GLI3: variants seen among roughly 807,000 people sequenced by gnomAD.
GLI3 encodes GLI family zinc finger 3.
A neutral mutation model predicts 100.8 loss-of-function variants in GLI3; 20 were observed. That is an observed-to-expected ratio of 0.20 (90% CI 0.14 to 0.29). GLI3 has a LOEUF of 0.29. Among genes scored for constraint, GLI3 ranks in the 10% least tolerant of loss-of-function variants. GLI3 has a pLI of 1.00. For synonymous variants in GLI3, 938 were observed against 860.5 expected, an observed-to-expected ratio of 1.09 and a Z score of -1.58; for missense variants, 2,040 against 2,128.5, an observed-to-expected ratio of 0.96 and a Z score of 0.82.
intron 3 of GLI3, among the ~76,000 whole-genome samples, chr7:42,135,917 G>A (rs74620077): frequency 0.02 from 2,970 of 152,140 alleles, 94 homozygotes; most frequent in African/African-American, 0.068. Context: ...CCACATGTAA[G>A]CATTAAGTAT....
intron 2 of GLI3, among the ~76,000 whole-genome samples, chr7:42,158,294 C>T (rs1787050659): frequency 6.6e-6 from 1 of 152,236 alleles, no homozygotes; most frequent in African/African-American, 2.4e-5. Flanking sequence ...GTATCATCAA[C>T]CAGTTATTCA....
chr7:41,970,405 A>C (rs921534607), intron 13 of GLI3, among the ~76,000 whole-genome samples: 11 of 152,170 alleles, frequency 7.2e-5, no homozygotes, highest in African/African-American at 2.4e-4. Flanking sequence ...AAATGTGATT[A>C]ATTTATTAAC....
intron 3 of GLI3, among the ~76,000 whole-genome samples, chr7:42,132,717 G>A (rs754093507): frequency 6.6e-6 from 1 of 152,108 alleles, no homozygotes; most frequent in Non-Finnish European, 1.5e-5. Flanking sequence ...CAGGCTTACA[G>A]CCTCACAATT....
intron 3 of GLI3, among the ~76,000 whole-genome samples, chr7:42,085,409 T>G (rs1562720902): frequency 6.6e-6 from 1 of 152,196 alleles, no homozygotes; most frequent in Non-Finnish European, 1.5e-5. Flanking sequence ...TTCATAATAG[T>G]ATATATCTTC....
intron 2 of GLI3, among the ~76,000 whole-genome samples, chr7:42,168,924 A>G (rs1338677448): frequency 6.6e-6 from 1 of 152,186 alleles, no homozygotes; most frequent in East Asian, 1.9e-4. Context: ...TCTCAAAAAA[A>G]TTAAAAACAA....
intron 3 of GLI3, among the ~76,000 whole-genome samples, chr7:42,098,914 C>CT (rs1345902106): frequency 3.3e-5 from 5 of 152,108 alleles, no homozygotes; most frequent in Non-Finnish European, 7.3e-5. Flanking sequence ...AATACATAAG[C>CT]TTGCGTGGGT....
rs747166719 is a variant in GLI3 at position 42,084,901 on chromosome 7, C to CTTTTTTTTT, written c.368-8053_368-8045dup. Among the ~76,000 whole-genome samples the CTTTTTTTTT allele has an allele frequency of 4.9e-3, 231 of 47,518 alleles. 16 individuals carry two copies. The highest frequency in any genetic ancestry group is 0.028 in the Middle Eastern group (1 of 36). 31.2% of individuals were successfully genotyped at this position (47,518 alleles called of 152,430 possible). On this transcript the variant is annotated intron_variant, in intron 3 of 14. Coordinates refer to ENST00000395925, the MANE Select transcript of GLI3 (RefSeq NM_000168.6). ...AGCTCTAAAAATATGCATTTGGATTCTTTTTTTTTTTTTTTTTTTTTTTTT... is the reference window on the plus strand; with the variant it reads ...AGCTCTAAAAATATGCATTTGGATTCTTTTTTTTTTTTTTTTTTTTTTTTTTTTTTTTTT...
At chr7:42,000,984 T>C (rs980281021) in intron 10 of GLI3, among the ~76,000 whole-genome samples, 6 of 151,998 alleles carry the variant, frequency 3.9e-5, no homozygotes, top group African/African-American at 1.2e-4. Context: ...CGGTGGCTCA[T>C]GCCTGTAATC....
intron 10 of GLI3, among the ~76,000 whole-genome samples, chr7:42,019,147 T>C (rs969950480): frequency 1.3e-5 from 2 of 152,214 alleles, no homozygotes; most frequent in Admixed American, 6.5e-5. Context: ...ATGGTGATGA[T>C]ACTATTATTC....
In GLI3 at chr7:42,122,576, A is replaced by G. The variant is rs562249394; in HGVS notation, c.367+25650T>C. Among the ~76,000 whole-genome samples, 7 of 152,310 alleles carry G rather than the reference A, an allele frequency of 4.6e-5. No homozygotes were observed. In the South Asian group the frequency reaches 1.5e-3, roughly 32 times the overall value. On this transcript the variant is annotated intron_variant, in intron 3 of 14. Coordinates refer to ENST00000395925, the MANE Select transcript of GLI3 (RefSeq NM_000168.6). ...GTACTTGGTGTCAGGAAGGAAGCTGAGGGGTTAAGTGACTTACACAAGTCA... is the reference window on the plus strand; with the variant it reads ...GTACTTGGTGTCAGGAAGGAAGCTGGGGGGTTAAGTGACTTACACAAGTCA...
At chr7:42,258,101 A>T (rs56217230) in intron 1 of GLI3, among the ~76,000 whole-genome samples, 3,451 of 152,300 alleles carry the variant, frequency 0.023, 144 homozygotes, top group African/African-American at 0.079. Flanking sequence ...GTATAACCCA[A>T]TCATAATGTG....
intron 2 of GLI3, among the ~76,000 whole-genome samples, chr7:42,168,666 T>C (rs118189635): frequency 6.6e-6 from 1 of 152,220 alleles, no homozygotes; most frequent in Non-Finnish European, 1.5e-5. Flanking sequence ...CTGCAATCTC[T>C]GCACCTTGGG....
chr7:42,244,362 A>G (rs1788952196), intron 1 of GLI3, among the ~76,000 whole-genome samples: 1 of 152,274 alleles, frequency 6.6e-6, no homozygotes, highest in South Asian at 2.1e-4. Flanking sequence ...GATATGTTTT[A>G]GAACATAAGG....
intron 3 of GLI3, among the ~76,000 whole-genome samples, chr7:42,110,470 C>T (rs770177252): frequency 8.5e-4 from 130 of 152,272 alleles, no homozygotes; most frequent in African/African-American, 3.0e-3. Context: ...AGTGGACATT[C>T]GTTATTTCCA....
Position 42,044,092 on chromosome 7 carries a change from C to T in GLI3, c.826+1292G>A, listed in dbSNP as rs561394569. On this transcript the variant is annotated intron_variant, in intron 6 of 14. Coordinates refer to ENST00000395925, the MANE Select transcript of GLI3 (RefSeq NM_000168.6). Reference sequence around the variant, plus strand: ...GCTCTTGATGGTAAGCAGACTAAGGCTGTAGAGTTTTTACCCCTGTATGAA... The same window carrying T: ...GCTCTTGATGGTAAGCAGACTAAGGTTGTAGAGTTTTTACCCCTGTATGAA... Among the ~76,000 whole-genome samples, 191 of 152,270 alleles carry T rather than the reference C, an allele frequency of 1.3e-3. 2 individuals are homozygous for T. The highest frequency in any genetic ancestry group is 7.2e-3 in the East Asian group (37 of 5,174).
intron 2 of GLI3, among the ~76,000 whole-genome samples, chr7:42,209,858 T>TCATC (rs1364882785): frequency 1.4e-5 from 2 of 146,268 alleles, no homozygotes; most frequent in African/African-American, 5.0e-5. Context: ...CTCTTACAGA[T>TCATC]CATCATTCCT....
At chr7:42,032,139 C>T (rs1399455518) in intron 7 of GLI3, among the ~76,000 whole-genome samples, 3 of 152,026 alleles carry the variant, frequency 2.0e-5, no homozygotes, top group African/African-American at 4.8e-5. Context: ...AACTGCTAAG[C>T]AACCAAAATA....
chr7:42,080,730 C>G (rs1284195755), intron 3 of GLI3, among the ~76,000 whole-genome samples: 3 of 152,180 alleles, frequency 2.0e-5, no homozygotes, highest in Non-Finnish European at 4.4e-5. Context: ...TAACACATTT[C>G]TTGAAAAATG....
intron 10 of GLI3, among the ~76,000 whole-genome samples, chr7:41,988,204 G>A (rs1298386513): frequency 6.6e-6 from 1 of 152,158 alleles, no homozygotes; most frequent in Non-Finnish European, 1.5e-5. Flanking sequence ...GCTCACGCCT[G>A]TAATCCTAGC....
Sources: gnomAD v4.1 joint callset for allele counts (sites outside exome capture counted in the v4.1 genomes callset) on GRCh38, gnomAD v4.1.1 for gene constraint, MANE v1.5 for transcripts, NCBI Gene and HGNC (gene_info 2026-07-23, HGNC 2026-07-21) for gene names.